WWOX: variants seen among roughly 807,000 people sequenced by gnomAD.
WWOX encodes the protein WW domain-containing oxidoreductase.
In WWOX, 69 loss-of-function variants were observed where a neutral mutation model predicts 46.2. That is an observed-to-expected ratio of 1.49 (90% CI 1.23 to 1.82). The LOEUF is 1.82. Among genes scored for constraint, WWOX ranks in the 40% most tolerant of loss-of-function variants. WWOX has a pLI of 0.00. For synonymous variants in WWOX, 359 were observed against 202.6 expected, an observed-to-expected ratio of 1.77 and a Z score of -6.56; for missense variants, 919 against 542.6, an observed-to-expected ratio of 1.69 and a Z score of -6.89.
At chr16:78,430,310 A>G (rs772099410) in intron 7 of WWOX, among the ~76,000 whole-genome samples, 4 of 152,142 alleles carry the variant, frequency 2.6e-5, no homozygotes, top group Non-Finnish European at 5.9e-5. Context: ...ATTACAATTC[A>G]GTGTGAGATT....
chr16:78,246,566 G>A (rs763991350), intron 5 of WWOX, among the ~76,000 whole-genome samples: 1 of 152,186 alleles, frequency 6.6e-6, no homozygotes, highest in Non-Finnish European at 1.5e-5. Context: ...ATGTATAGCT[G>A]GTTTTTATGT....
intron 8 of WWOX, among the ~76,000 whole-genome samples, chr16:78,453,533 C>T (rs929002422): frequency 5.3e-5 from 8 of 152,170 alleles, no homozygotes; most frequent in East Asian, 1.9e-4. Context: ...GGACTCAATA[C>T]GTGGGTTTGT....
intron 8 of WWOX, among the ~76,000 whole-genome samples, chr16:78,805,061 A>G (rs182982884): frequency 1.9e-3 from 284 of 152,370 alleles, no homozygotes; most frequent in African/African-American, 6.6e-3. Context: ...CATCTTAAAA[A>G]TAAAAGTACT....
rs137981372 is a variant in WWOX at position 78,852,891 on chromosome 16, C to G, written c.1057-358717C>G. 2.1e-3 allele frequency among the ~76,000 whole-genome samples: 327 copies of G among 152,304 alleles called. 2 individuals are homozygous for G. Among genetic ancestry groups the G allele is most frequent in the African/African-American group, 7.3e-3 (302 of 41,562 alleles). Reference sequence around the variant, plus strand: ...TTGTTCCCTCTGCATATAGCACTTTCTCAAAAAGTAGTTTGGTGACAGGCT... The same window carrying G: ...TTGTTCCCTCTGCATATAGCACTTTGTCAAAAAGTAGTTTGGTGACAGGCT... On this transcript the variant is annotated intron_variant, in intron 8 of 8. Transcript: ENST00000566780.
At chr16:78,241,719 C>T (rs1726838271) in intron 5 of WWOX, among the ~76,000 whole-genome samples, 3 of 152,168 alleles carry the variant, frequency 2.0e-5, no homozygotes, top group East Asian at 1.9e-4. Flanking sequence ...GGATTACAGG[C>T]GTGAACCACC....
chr16:78,239,734 C>G (rs1017993326), intron 5 of WWOX, among the ~76,000 whole-genome samples: 1 of 152,084 alleles, frequency 6.6e-6, no homozygotes, highest in African/African-American at 2.4e-5. Flanking sequence ...TAGGGTTTCA[C>G]TTGTTGGCCA....
At position 78,234,420 on chromosome 16, in the gene WWOX, G is replaced by A. The variant is rs570470409; in HGVS notation, c.516+70131G>A. Among the ~76,000 whole-genome samples the A allele has an allele frequency of 6.4e-4, 98 of 152,170 alleles. 1 individual carries two copies. Among genetic ancestry groups the A allele is most frequent in the African/African-American group, 2.3e-3 (96 of 41,500 alleles). ...AAGTTCATATGTGTGTGTGTAGTGT[G>A]GGCCCCAGACTTTCGCCATACCGCT... On this transcript the variant is annotated intron_variant, in intron 5 of 8. Transcript: ENST00000566780.
intron 8 of WWOX, among the ~76,000 whole-genome samples, chr16:78,741,049 C>T (rs1238492460): frequency 6.6e-6 from 1 of 152,120 alleles, no homozygotes; most frequent in South Asian, 2.1e-4. Context: ...CAGCAAAGTC[C>T]CTGTCCAGCC....
chr16:78,861,150 C>T (rs78245841), intron 8 of WWOX, among the ~76,000 whole-genome samples: 3,522 of 152,094 alleles, frequency 0.023, 120 homozygotes, highest in African/African-American at 0.08. Flanking sequence ...CCTGCCTTTC[C>T]TCCCTCTCTC....
chr16:78,335,599 A>T (rs1282722284), intron 5 of WWOX, among the ~76,000 whole-genome samples: 1 of 152,144 alleles, frequency 6.6e-6, no homozygotes, highest in Non-Finnish European at 1.5e-5. Context: ...ATTACTGGGT[A>T]TGTAACCAAA....
At position 78,263,996 on chromosome 16, in the gene WWOX, C is replaced by CTTTTTTTTTTTTTTTTTTTTTTTTTTTTT. The variant is rs757195574; in HGVS notation, c.516+99726_516+99727insTTTTTTTTTTTTTTTTTTTTTTTTTTTTT. ...AGAAATATGTGTTTGGCTGTGAAAT[C>CTTTTTTTTTTTTTTTTTTTTTTTTTTTTT]TTTTTTTTTTTTTTTTTTTGTTTTT... On this transcript the variant is annotated intron_variant, in intron 5 of 8. Coordinates refer to ENST00000566780, the MANE Select transcript of WWOX (RefSeq NM_016373.4). Among the ~76,000 whole-genome samples, 14 of 78,822 alleles carry CTTTTTTTTTTTTTTTTTTTTTTTTTTTTT rather than the reference C, an allele frequency of 1.8e-4. 4 individuals carry two copies. The highest frequency in any genetic ancestry group is 2.4e-4 in the Non-Finnish European group (11 of 45,532). The allele number at this position is 78,822 out of a possible 152,430, so 51.7% of individuals were successfully genotyped here.
At chr16:79,090,598 A>G (rs2048939984) in intron 8 of WWOX, among the ~76,000 whole-genome samples, 1 of 152,142 alleles carries the variant, frequency 6.6e-6, no homozygotes, top group Admixed American at 6.5e-5. Flanking sequence ...ACGATGCTGT[A>G]TGGCTCTAGA....
intron 8 of WWOX, among the ~76,000 whole-genome samples, chr16:78,441,665 G>C (rs2083447343): frequency 6.6e-6 from 1 of 152,178 alleles, no homozygotes; most frequent in Middle Eastern, 3.4e-3. Context: ...TCTAACTCTT[G>C]GGCAAGGTTC....
intron 6 of WWOX, among the ~76,000 whole-genome samples, chr16:78,406,297 AATATAAAT>A (rs1298591351): frequency 8.1e-5 from 6 of 74,078 alleles, no homozygotes; most frequent in Admixed American, 4.0e-4. Flanking sequence ...ACAGCATATA[AATATAAAT>A]ATATATATAT....
intron 8 of WWOX, chr16:78,552,740 A>T (rs1266065418): frequency 6.6e-6 from 1 of 152,098 alleles, no homozygotes; most frequent in Non-Finnish European, 1.5e-5. Flanking sequence ...TCATTTAATT[A>T]CTCATTCTTT....
intron 4 of WWOX, among the ~76,000 whole-genome samples, chr16:78,143,601 A>C (rs1006306863): frequency 1.3e-5 from 2 of 152,074 alleles, no homozygotes; most frequent in African/African-American, 2.4e-5. Flanking sequence ...GCATTTATTT[A>C]CTGTATTTAT....
intron 8 of WWOX, among the ~76,000 whole-genome samples, chr16:78,573,634 C>A (rs1007595559): frequency 2.3e-4 from 35 of 152,144 alleles, no homozygotes; most frequent in African/African-American, 8.0e-4. Flanking sequence ...CTAATTTGTT[C>A]ATTATTTTAA....
rs117272034 is a variant in WWOX at position 79,025,375 on chromosome 16, T to C, written c.1057-186233T>C. On this transcript the variant is annotated intron_variant, in intron 8 of 8. Coordinates refer to ENST00000566780, the MANE Select transcript of WWOX (RefSeq NM_016373.4). ...ATTTGAGAAAAAGGGTCTTTGCAGA[T>C]AAGTTCAGTTGAGGATCTCAAAACG... 7.3e-3 allele frequency among the ~76,000 whole-genome samples: 1,109 copies of C among 152,316 alleles called. 6 individuals are homozygous for C. The highest frequency in any genetic ancestry group is 0.01 in the Admixed American group (158 of 15,292).
chr16:79,125,627 A>G (rs895657738), intron 8 of WWOX, among the ~76,000 whole-genome samples: 2 of 152,118 alleles, frequency 1.3e-5, no homozygotes, highest in East Asian at 3.9e-4. Context: ...CATCCTCCCA[A>G]GGAGACAAGT....
Sources: gnomAD v4.1 joint callset for allele counts (sites outside exome capture counted in the v4.1 genomes callset) on GRCh38, gnomAD v4.1.1 for gene constraint, MANE v1.5 for transcripts, NCBI Gene and HGNC (gene_info 2026-07-23, HGNC 2026-07-21) for gene names.